The following ARL15 variants were observed in gnomAD, a reference collection of about 807,000 sequenced individuals.
The protein encoded by ARL15 is ADP-ribosylation factor-like protein 15.
ARL15 carries 19 observed loss-of-function variants against 25.2 expected under a neutral mutation model. The ratio of observed to expected loss-of-function variants is 0.75; its 90% CI spans 0.53 to 1.10. The LOEUF is 1.10. ARL15 is among the 50% of genes least tolerant of loss of function. ARL15 has a pLI of 0.00. For synonymous variants in ARL15, 94 were observed against 86.8 expected (o/e 1.08, Z -0.46); for missense variants, 220 against 246.0 (o/e 0.89, Z 0.71).
intron 1 of ARL15, among the ~76,000 whole-genome samples, chr5:54,215,679 T>A (rs1484444855): frequency 6.6e-6 from 1 of 151,784 alleles, no homozygotes; most frequent in Non-Finnish European, 1.5e-5. Context: ...AGAGGAATGT[T>A]AGGCCACCCA....
At chr5:53,983,728 G>A (rs1694063) in intron 4 of ARL15, among the ~76,000 whole-genome samples, 47,130 of 152,026 alleles carry the variant, frequency 0.31, 8,230 homozygotes, top group Middle Eastern at 0.45. Flanking sequence ...ATGTACTGCC[G>A]TAGGCTAGGG....
intron 4 of ARL15, among the ~76,000 whole-genome samples, chr5:54,079,967 TCACACACACACACA>T (rs58908566): frequency 0.014 from 1,698 of 124,376 alleles, 44 homozygotes; most frequent in African/African-American, 0.048. Context: ...TGAGACTCCG[TCACACACACACACA>T]CACACACACA....
chr5:54,293,080 TG>T (rs1758375590), intron 1 of ARL15, among the ~76,000 whole-genome samples: 1 of 151,924 alleles, frequency 6.6e-6, no homozygotes, highest in South Asian at 2.1e-4. Context: ...TAACTTGGGG[TG>T]GGGGGAAAGA....
intron 4 of ARL15, among the ~76,000 whole-genome samples, chr5:53,937,837 A>G (rs10055726): frequency 0.2 from 28,849 of 146,454 alleles, 2,783 homozygotes; most frequent in East Asian, 0.24. Flanking sequence ...AAAAAAAAAA[A>G]GGGGTGGAGT....
In ARL15 at chr5:53,884,665, C is replaced by G. The variant is rs1744460711; in HGVS notation, c.*1896G>C. ...TGAGGAGAGGCCCATCACTGGCGCA[C>G]ACATGAACACACACACGCAGACCAC... On this transcript the variant is annotated 3_prime_UTR_variant, in exon 5 of 5. Coordinates refer to ENST00000504924, the MANE Select transcript of ARL15 (RefSeq NM_019087.3). The G allele has an allele frequency of 6.6e-6, 1 of 152,016 alleles. No homozygotes were observed. The highest frequency in any genetic ancestry group is 2.4e-5 in the African/African-American group (1 of 41,352). 9.4% of individuals were successfully genotyped at this position (152,016 alleles called of 1,614,324 possible).
At position 53,992,307 on chromosome 5, in the gene ARL15, T is replaced by C. The variant is rs114465371; in HGVS notation, c.463-105594A>G. On this transcript the variant is annotated intron_variant, in intron 4 of 4. Transcript: ENST00000504924. ...GTATACAGTTTGGGAACTACAAGTTTAAATAAAGACAAGTAGACTTTCCAT... is the reference window on the plus strand; with the variant it reads ...GTATACAGTTTGGGAACTACAAGTTCAAATAAAGACAAGTAGACTTTCCAT... Among the ~76,000 whole-genome samples the C allele has an allele frequency of 9.1e-3, 852 of 93,350 alleles. 7 individuals carry two copies. The highest frequency in any genetic ancestry group is 0.033 in the African/African-American group (819 of 24,844). 61.2% of individuals were successfully genotyped at this position (93,350 alleles called of 152,430 possible). A position where few individuals can be genotyped will look rare whatever the true frequency, so the allele number is the denominator to read the frequency against.
At chr5:54,050,012 C>G (rs1167717496) in intron 4 of ARL15, among the ~76,000 whole-genome samples, 1 of 152,154 alleles carries the variant, frequency 6.6e-6, no homozygotes, top group African/African-American at 2.4e-5. Flanking sequence ...ACTAGCCTTC[C>G]TCTTCCCCTC....
intron 1 of ARL15, among the ~76,000 whole-genome samples, chr5:54,304,451 A>G (rs1758702602): frequency 6.6e-6 from 1 of 152,192 alleles, no homozygotes; most frequent in Non-Finnish European, 1.5e-5. Context: ...CCACATGCCA[A>G]CAAGCATGTG....
rs79304196 is a variant in ARL15 at position 54,149,062 on chromosome 5, G to A, written c.253+5518C>T. ...ACTGCTTTCAACTCAGCTAAATGCC[G>A]TGACATCACTGCAGTGTGGACAACT... On this transcript the variant is annotated intron_variant, in intron 3 of 4. Transcript: ENST00000504924. 4.8e-4 allele frequency among the ~76,000 whole-genome samples: 73 copies of A among 152,188 alleles called. 1 individual carries two copies. In the East Asian group the frequency reaches 0.013, roughly 27 times the overall value.
At chr5:54,023,760 A>C (rs750901142) in intron 4 of ARL15, among the ~76,000 whole-genome samples, 20 of 152,224 alleles carry the variant, frequency 1.3e-4, no homozygotes, top group Non-Finnish European at 2.6e-4. Context: ...TTGCCAAAGA[A>C]GAAAACAATC....
At chr5:53,982,524 T>C (rs1748157901) in intron 4 of ARL15, among the ~76,000 whole-genome samples, 1 of 152,186 alleles carries the variant, frequency 6.6e-6, no homozygotes, top group South Asian at 2.1e-4. Flanking sequence ...TTCATCCTTT[T>C]TTATGGCTGC....
At chr5:54,085,852 G>A (rs1471701711) in intron 4 of ARL15, among the ~76,000 whole-genome samples, 1 of 151,868 alleles carries the variant, frequency 6.6e-6, no homozygotes, top group Non-Finnish European at 1.5e-5. Context: ...TGGGTCCCAG[G>A]AGAGGCAGAC....
intron 2 of ARL15, among the ~76,000 whole-genome samples, chr5:54,156,143 C>G (rs1754225920): frequency 6.6e-6 from 1 of 152,148 alleles, no homozygotes; most frequent in African/African-American, 2.4e-5. Flanking sequence ...TTAGTCTAGC[C>G]TATCTTTTGC....
At chr5:54,165,758 A>T (rs1754547038) in intron 2 of ARL15, among the ~76,000 whole-genome samples, 3 of 151,534 alleles carry the variant, frequency 2.0e-5, no homozygotes, top group Admixed American at 2.0e-4. Context: ...ATATATAAAT[A>T]GAGACAGAGA....
In ARL15 at chr5:53,963,805, TCACACACACACACA is replaced by T. The variant is rs60458728; in HGVS notation, c.463-77106_463-77093del. 3.6e-3 allele frequency among the ~76,000 whole-genome samples: 517 copies of T among 143,232 alleles called. 2 individuals carry two copies. Among genetic ancestry groups the T allele is most frequent in the African/African-American group, 0.012 (453 of 37,824 alleles). The allele number at this position is 143,232 out of a possible 152,430, so 94.0% of individuals were successfully genotyped here. ...CCTGGGAGACAAGAGTGAAACTCCA[TCACACACACACACA>T]CACACACACACACACACACACACAC... On this transcript the variant is annotated intron_variant, in intron 4 of 4. Coordinates refer to ENST00000504924, the MANE Select transcript of ARL15 (RefSeq NM_019087.3).
At chr5:54,226,760 G>A (rs114547243) in intron 1 of ARL15, among the ~76,000 whole-genome samples, 164 of 152,236 alleles carry the variant, frequency 1.1e-3, no homozygotes, top group African/African-American at 3.9e-3. Flanking sequence ...CTGACTCTTT[G>A]TTCTTCAACT....
chr5:54,051,508 G>A (rs2111988858), intron 4 of ARL15, among the ~76,000 whole-genome samples: 1 of 152,292 alleles, frequency 6.6e-6, no homozygotes, highest in South Asian at 2.1e-4. Flanking sequence ...AAGTATCTTA[G>A]TTTTTAAAAG....
intron 1 of ARL15, among the ~76,000 whole-genome samples, chr5:54,248,661 A>G (rs1454100499): frequency 6.6e-6 from 1 of 152,236 alleles, no homozygotes; most frequent in African/African-American, 2.4e-5. Context: ...TGTAAGTTCC[A>G]TGAAGGCAAG....
chr5:54,062,254 G>A (rs1751090881), intron 4 of ARL15, among the ~76,000 whole-genome samples: 1 of 152,174 alleles, frequency 6.6e-6, no homozygotes, highest in Admixed American at 6.5e-5. Flanking sequence ...TTGGACAGTG[G>A]ACTTTTGAGT....
Sources: allele counts gnomAD v4.1 joint callset (sites outside exome capture counted in the v4.1 genomes callset), GRCh38; gene constraint gnomAD v4.1.1; transcripts MANE v1.5; gene names NCBI Gene and HGNC (gene_info 2026-07-23, HGNC 2026-07-21).